The following CELA2A variants were observed in gnomAD, a reference collection of about 807,000 sequenced individuals.
CELA2A encodes the protein chymotrypsin like elastase 2A.
A neutral mutation model predicts 35.3 loss-of-function variants in CELA2A; 31 were observed. The observed-to-expected ratio is 0.88, with a 90% CI of 0.66 to 1.19. CELA2A has a LOEUF of 1.19. CELA2A is among the 50% of genes most tolerant of loss of function. The pLI is 0.00. For missense variants in CELA2A, 330 were observed against 352.9 expected, an observed-to-expected ratio of 0.94 and a Z score of 0.52; for synonymous variants, 150 against 149.8, an observed-to-expected ratio of 1.00 and a Z score of -0.01.
At chr1:15,462,643 C>G in intron 3 of CELA2A, 90 bp from the exon 4 acceptor site, 2 of 1,516,136 alleles carry the variant, frequency 1.3e-6, no homozygotes, top group Non-Finnish European at 1.8e-6. Context: ...TAGTGGCTCA[C>G]GCAGCAGCCA....
At chr1:15,458,763 A>G (rs1198004752) in intron 2 of CELA2A, among the ~76,000 whole-genome samples, 1 of 151,952 alleles carries the variant, frequency 6.6e-6, no homozygotes, top group Non-Finnish European at 1.5e-5. Context: ...AAATACAAAA[A>G]TTAGCCAGGC....
At chr1:15,470,682 G>A (rs1375199895) in intron 7 of CELA2A, among the ~76,000 whole-genome samples, 1 of 152,170 alleles carries the variant, frequency 6.6e-6, no homozygotes, top group Non-Finnish European at 1.5e-5. Context: ...CCGGGTTCAA[G>A]CGATTCTTCT....
At chr1:15,459,247 C>T (rs1321552215) in intron 2 of CELA2A, among the ~76,000 whole-genome samples, 4 of 151,686 alleles carry the variant, frequency 2.6e-5, no homozygotes, top group Admixed American at 6.6e-5. Flanking sequence ...ACAGCGGCCT[C>T]GAACTCCTAG....
chr1:15,456,752 C>A lies in CELA2A; in HGVS notation c.-2C>A. The A allele has an allele frequency of 1.9e-6, 3 of 1,614,178 alleles. No individual in the cohort carries two copies. The highest frequency in any genetic ancestry group is 2.5e-6 in the Non-Finnish European group (3 of 1,180,012). ...CGCTTACAGAACTCCCACGGACACA[C>A]CATGATAAGGACGCTGCTGCTGTCC... is the stretch of plus-strand genomic sequence containing the variant. On this transcript the variant is annotated 5_prime_UTR_variant, in exon 1 of 8. Transcript: ENST00000359621.
chr1:15,458,440 A>G (rs1162758805), intron 2 of CELA2A, among the ~76,000 whole-genome samples: 2 of 152,194 alleles, frequency 1.3e-5, no homozygotes, highest in Admixed American at 1.3e-4. Context: ...TTTCATTATT[A>G]CAAGCATAAT....
intron 4 of CELA2A, 96 bp from the exon 5 acceptor site, chr1:15,463,290 G>A: frequency 6.4e-7 from 1 of 1,569,336 alleles, no homozygotes; most frequent in Non-Finnish European, 8.7e-7. Context: ...GGGGTAACAG[G>A]GTACAGGGAA....
chr1:15,463,627 G>A lies in CELA2A; in HGVS notation c.493+105G>A. ...ACCTGTCATCCCAGGGTGTGTGGCT[G>A]CCTTGGAGAGACGGGATGGCATAGG... On this transcript the variant is annotated intron_variant, in intron 5 of 7. Transcript: ENST00000359621. 2.6e-6 allele frequency: 4 copies of A among 1,553,206 alleles called. No individual in the cohort carries two copies. In the East Asian group the frequency reaches 6.8e-5, roughly 26 times the overall value.
chr1:15,467,347 C>A lies in CELA2A; in HGVS notation c.640-39C>A. On this transcript the variant is annotated intron_variant, in intron 6 of 7. Transcript: ENST00000359621. ...CAATGGTTCCAATGGGCAGCCCCTT[C>A]CTCTCCCTTTACCTGCCTATAACTC... The A allele has an allele frequency of 1.9e-6, 3 of 1,601,438 alleles. No individual in the cohort carries two copies. In the East Asian group the frequency reaches 6.7e-5, roughly 36 times the overall value.
chr1:15,468,125 C>T (rs1186208722), intron 7 of CELA2A, among the ~76,000 whole-genome samples: 1 of 148,222 alleles, frequency 6.7e-6, no homozygotes, highest in East Asian at 2.0e-4. Flanking sequence ...GAGTGAGTGC[C>T]ATAGAAATGG....
At chr1:15,462,356 G>C (rs1570797322) in intron 3 of CELA2A, 1 of 386,610 alleles carries the variant, frequency 2.6e-6, no homozygotes, top group East Asian at 7.2e-5. Context: ...TGGGACTCTG[G>C]GCCAGGTTAC....
intron 4 of CELA2A, 124 bp from the exon 5 acceptor site, chr1:15,463,262 T>C: frequency 6.8e-7 from 1 of 1,475,036 alleles, no homozygotes; most frequent in Non-Finnish European, 9.2e-7. Flanking sequence ...CCTGGGGCCC[T>C]GCCAGTCAGA....
chr1:15,463,579 C>T (rs1400909284), intron 5 of CELA2A, 57 bp downstream of exon 5: 2 of 1,610,608 alleles, frequency 1.2e-6, no homozygotes, highest in East Asian at 4.5e-5. Flanking sequence ...ATTCACGTCA[C>T]CCCTGTCTGG....
chr1:15,460,072 T>C (rs1045812319), intron 2 of CELA2A, among the ~76,000 whole-genome samples: 1 of 152,156 alleles, frequency 6.6e-6, no homozygotes, highest in African/African-American at 2.4e-5. Flanking sequence ...TTAATTACAG[T>C]ATGAGTCACC....
intron 2 of CELA2A, among the ~76,000 whole-genome samples, chr1:15,461,195 AAG>A (rs1459104813): frequency 2.6e-5 from 4 of 152,088 alleles, no homozygotes; most frequent in African/African-American, 9.7e-5. Flanking sequence ...TGGGGATTAT[AAG>A]AACTATAATT....
intron 5 of CELA2A, among the ~76,000 whole-genome samples, chr1:15,464,093 G>A (rs1708479017): frequency 6.6e-6 from 1 of 152,140 alleles, no homozygotes; most frequent in South Asian, 2.1e-4. Flanking sequence ...TCACAGAGTT[G>A]TCACGAGGAT....
At position 15,459,852 on chromosome 1, in the gene CELA2A, C is replaced by T. The variant is rs75688346; in HGVS notation, c.130-1709C>T. ...CAGCAACCAGCCAGGAACAGTGGCA[C>T]ACACCTTTAATCCCAGCTATTCAAG... On this transcript the variant is annotated intron_variant, in intron 2 of 7. Transcript: ENST00000359621. Among the ~76,000 whole-genome samples the T allele has an allele frequency of 5.3e-5, 8 of 151,262 alleles. No individual in the cohort carries two copies. The East Asian group carries it at 1.6e-3, about 29-fold the overall frequency.
Position 15,457,485 on chromosome 1 carries a change from C to T in CELA2A, c.129+311C>T, listed in dbSNP as rs538689879. The stretch of plus-strand genomic sequence containing the variant: ...AGTAGCCAGGTGTGGTGGCACACGC[C>T]TGTAATCCCAGCAACTGGGGAGGCT... On this transcript the variant is annotated intron_variant, in intron 2 of 7. Coordinates refer to ENST00000359621, the MANE Select transcript of CELA2A (RefSeq NM_033440.3). The T allele has an allele frequency of 3.7e-5, 10 of 270,274 alleles. No individual in the cohort carries two copies. The East Asian group carries it at 5.9e-4, about 16-fold the overall frequency. 16.7% of individuals were successfully genotyped at this position (270,274 alleles called of 1,614,324 possible).
intron 2 of CELA2A, among the ~76,000 whole-genome samples, chr1:15,459,265 C>T (rs1024962722): frequency 1.3e-5 from 2 of 151,716 alleles, no homozygotes; most frequent in African/African-American, 2.4e-5. Flanking sequence ...TAGGCTCAAG[C>T]GATCCTCCCA....
intron 7 of CELA2A, among the ~76,000 whole-genome samples, chr1:15,470,804 C>G (rs1413076233): frequency 6.6e-6 from 1 of 152,190 alleles, no homozygotes; most frequent in Admixed American, 6.5e-5. Flanking sequence ...TGGTCTCAAA[C>G]TCCTGACCTC....
Sources: allele counts gnomAD v4.1 joint callset (sites outside exome capture counted in the v4.1 genomes callset), GRCh38; gene constraint gnomAD v4.1.1; transcripts MANE v1.5; gene names NCBI Gene and HGNC (gene_info 2026-07-23, HGNC 2026-07-21).